The following MYO6 variants were observed in gnomAD, a reference collection of about 807,000 sequenced individuals.
MYO6 encodes the protein myosin VI, also known as unconventional myosin-VI.
Under a neutral mutation model 178.7 loss-of-function variants are expected in MYO6, and 74 were observed. The observed-to-expected ratio is 0.41, with a 90% CI of 0.34 to 0.50. The LOEUF is 0.50. MYO6 is among the 20% of genes least tolerant of loss of function. The pLI is 0.09. For synonymous variants in MYO6, 477 were observed against 504.6 expected (o/e 0.95, Z 0.73); for missense variants, 1,330 against 1,547.4 (o/e 0.86, Z 2.36).
intron 1 of MYO6, among the ~76,000 whole-genome samples, chr6:75,772,693 A>T (rs1284032801): frequency 2.0e-5 from 3 of 152,304 alleles, no homozygotes; most frequent in East Asian, 3.9e-4. Flanking sequence ...ATGTGTTTTC[A>T]GTTGGAGAGG....
chr6:75,816,314 G>A (rs1771240007), intron 1 of MYO6, among the ~76,000 whole-genome samples: 1 of 152,238 alleles, frequency 6.6e-6, no homozygotes, highest in South Asian at 2.1e-4. Context: ...AGAACAGTAG[G>A]AATGCCCATG....
At chr6:75,864,345 C>T (rs1776466892) in intron 16 of MYO6, among the ~76,000 whole-genome samples, 1 of 152,172 alleles carries the variant, frequency 6.6e-6, no homozygotes, top group African/African-American at 2.4e-5. Flanking sequence ...TGTTAACCTT[C>T]ACTAGGGACT....
chr6:75,896,356 A>G (rs1779301820), intron 29 of MYO6, among the ~76,000 whole-genome samples: 1 of 152,268 alleles, frequency 6.6e-6, no homozygotes, highest in South Asian at 2.1e-4. Flanking sequence ...AGACATGATA[A>G]GCGATCAGAT....
At chr6:75,753,455 G>GTGTGTGTATATATATATATATA (rs370647728) in intron 1 of MYO6, among the ~76,000 whole-genome samples, 4 of 140,056 alleles carry the variant, frequency 2.9e-5, no homozygotes, top group African/African-American at 8.1e-5. Flanking sequence ...GTGTGTGTGT[G>GTGTGTGTATATATATATATATA]TATATATATA....
rs182508032 is a variant in MYO6 at position 75,879,179 on chromosome 6, C to G, written c.2078-641C>G. On this transcript the variant is annotated intron_variant, in intron 20 of 34. Transcript: ENST00000369977. ...TTAATGCAGGGCTTTGCCTTATATACTGTGTTTGTGACACAGAGTCTTCTA... is the reference window on the plus strand; with the variant it reads ...TTAATGCAGGGCTTTGCCTTATATAGTGTGTTTGTGACACAGAGTCTTCTA... 1.1e-3 allele frequency among the ~76,000 whole-genome samples: 164 copies of G among 152,280 alleles called. 1 individual carries two copies. Among genetic ancestry groups the G allele is most frequent in the African/African-American group, 3.8e-3 (156 of 41,562 alleles).
chr6:75,790,919 G>A (rs559219648), intron 1 of MYO6, among the ~76,000 whole-genome samples: 22 of 152,068 alleles, frequency 1.4e-4, no homozygotes, highest in Middle Eastern at 3.4e-3. Flanking sequence ...TTCCCTCATA[G>A]TAATATAATA....
chr6:75,908,158 A>G (rs973976480), intron 31 of MYO6, among the ~76,000 whole-genome samples: 2 of 152,180 alleles, frequency 1.3e-5, no homozygotes, highest in African/African-American at 4.8e-5. Context: ...TTTGTATTTT[A>G]TCACAGTGAC....
At chr6:75,760,538 CA>C (rs1350834812) in intron 1 of MYO6, among the ~76,000 whole-genome samples, 1 of 151,946 alleles carries the variant, frequency 6.6e-6, no homozygotes, top group African/African-American at 2.4e-5. Context: ...CAGGGTTGAG[CA>C]GATGAATAAA....
intron 5 of MYO6, among the ~76,000 whole-genome samples, chr6:75,831,279 T>A (rs1366757075): frequency 6.6e-6 from 1 of 152,190 alleles, no homozygotes; most frequent in African/African-American, 2.4e-5. Context: ...GCATCCTGTT[T>A]CTCTTTGGGC....
chr6:75,820,336 G>T (rs905035889), intron 2 of MYO6, among the ~76,000 whole-genome samples: 1 of 152,092 alleles, frequency 6.6e-6, no homozygotes, highest in Non-Finnish European at 1.5e-5. Context: ...CATTGCTCCT[G>T]CCTGGAGTGC....
intron 1 of MYO6, among the ~76,000 whole-genome samples, chr6:75,755,991 C>T (rs149184257): frequency 6.3e-4 from 96 of 152,298 alleles, no homozygotes; most frequent in African/African-American, 2.0e-3. Flanking sequence ...ACCTATCTGT[C>T]GAAGACTCCC....
intron 1 of MYO6, among the ~76,000 whole-genome samples, chr6:75,766,157 T>C (rs1459766679): frequency 6.6e-6 from 1 of 152,122 alleles, no homozygotes; most frequent in East Asian, 1.9e-4. Flanking sequence ...ACCCCGTCTC[T>C]ACTAAGAATA....
At chr6:75,897,472 T>A (rs1397290778) in intron 29 of MYO6, among the ~76,000 whole-genome samples, 3 of 152,216 alleles carry the variant, frequency 2.0e-5, no homozygotes, top group Non-Finnish European at 1.5e-5. Context: ...ACAGTGTTCA[T>A]TACGAGAAAA....
At chr6:75,904,159 C>G (rs1280352469) in intron 30 of MYO6, among the ~76,000 whole-genome samples, 3 of 150,676 alleles carry the variant, frequency 2.0e-5, no homozygotes, top group African/African-American at 7.3e-5. Flanking sequence ...CTGCCCTTAA[C>G]ATTTTTTCCT....
intron 20 of MYO6, 131 bp downstream of exon 20, chr6:75,873,431 T>C (rs1777308687): frequency 2.5e-6 from 2 of 812,108 alleles, no homozygotes; most frequent in Admixed American, 4.2e-5. Flanking sequence ...CATCTTATAT[T>C]TTCTTTAATT....
intron 1 of MYO6, among the ~76,000 whole-genome samples, chr6:75,802,746 C>CA (rs1769616129): frequency 1.3e-5 from 2 of 152,016 alleles, no homozygotes; most frequent in Non-Finnish European, 2.9e-5. Context: ...CTTGGCCTCT[C>CA]AAAGTTCTGG....
At chr6:75,750,915 A>ATCT (rs1776837107) in intron 1 of MYO6, among the ~76,000 whole-genome samples, 1 of 152,144 alleles carries the variant, frequency 6.6e-6, no homozygotes, top group African/African-American at 2.4e-5. Flanking sequence ...GCTGAAACTT[A>ATCT]TCTTCACACC....
At chr6:75,906,009 G>C (rs1780287519) in intron 30 of MYO6, among the ~76,000 whole-genome samples, 1 of 152,124 alleles carries the variant, frequency 6.6e-6, no homozygotes, top group African/African-American at 2.4e-5. Context: ...CAGGATGGCT[G>C]TTATCTTTCA....
intron 1 of MYO6, among the ~76,000 whole-genome samples, chr6:75,787,848 C>T (rs1373623086): frequency 1.4e-5 from 2 of 148,112 alleles, no homozygotes; most frequent in African/African-American, 5.0e-5. Flanking sequence ...CAGCCTTAAC[C>T]TCCTGGGATC....
Sources: allele counts gnomAD v4.1 joint callset (sites outside exome capture counted in the v4.1 genomes callset), GRCh38; gene constraint gnomAD v4.1.1; transcripts MANE v1.5; gene names NCBI Gene and HGNC (gene_info 2026-07-23, HGNC 2026-07-21).